GLI3: variants seen among roughly 807,000 people sequenced by gnomAD.
GLI3 encodes the protein transcription activator GLI3.
A neutral mutation model predicts 100.8 loss-of-function variants in GLI3; 20 were observed. The observed-to-expected ratio is 0.20, with a 90% CI of 0.14 to 0.29. GLI3 has a LOEUF of 0.29. Ranked by LOEUF, GLI3 falls within the 10% of genes least tolerant of loss-of-function variation. GLI3 has a pLI of 1.00. For synonymous variants in GLI3, 938 were observed against 860.5 expected (o/e 1.09, Z -1.58); for missense variants, 2,040 against 2,128.5 (o/e 0.96, Z 0.82).
intron 11 of GLI3, among the ~76,000 whole-genome samples, chr7:41,978,330 C>G (rs891398891): frequency 1.3e-5 from 2 of 152,226 alleles, no homozygotes; most frequent in African/African-American, 4.8e-5. Context: ...TTCCAAGCCC[C>G]GTGGTACCAT....
chr7:42,042,529 A>G (rs1784167310), intron 6 of GLI3, among the ~76,000 whole-genome samples: 1 of 152,190 alleles, frequency 6.6e-6, no homozygotes, highest in African/African-American at 2.4e-5. Flanking sequence ...AATGGTACTC[A>G]GTGATCACTG....
chr7:42,230,374 C>T (rs1420542338), intron 1 of GLI3, among the ~76,000 whole-genome samples: 2 of 152,182 alleles, frequency 1.3e-5, no homozygotes, highest in African/African-American at 4.8e-5. Context: ...GTATTCATGA[C>T]AGACATACCC....
intron 2 of GLI3, among the ~76,000 whole-genome samples, chr7:42,176,533 T>C (rs1787483556): frequency 6.6e-6 from 1 of 152,248 alleles, no homozygotes; most frequent in Admixed American, 6.5e-5. Flanking sequence ...CACAAGCCCA[T>C]GGCTTGCACA....
chr7:42,261,343 A>T (rs1218275829), intron 1 of GLI3, among the ~76,000 whole-genome samples: 1 of 152,162 alleles, frequency 6.6e-6, no homozygotes, highest in African/African-American at 2.4e-5. Flanking sequence ...CCACCCCCAT[A>T]GATCAAATAC....
intron 2 of GLI3, among the ~76,000 whole-genome samples, chr7:42,158,898 C>A (rs1438474557): frequency 2.6e-5 from 4 of 152,132 alleles, no homozygotes; most frequent in African/African-American, 9.7e-5. Flanking sequence ...AAACTTTAAG[C>A]CAGAGTCATG....
intron 10 of GLI3, among the ~76,000 whole-genome samples, chr7:42,012,383 C>A (rs915672926): frequency 6.6e-6 from 1 of 152,062 alleles, no homozygotes; most frequent in Non-Finnish European, 1.5e-5. Context: ...CCTCTCCCCC[C>A]TCCCTTTTCT....
intron 4 of GLI3, among the ~76,000 whole-genome samples, chr7:42,055,087 A>G (rs1583515268): frequency 1.5e-5 from 2 of 135,156 alleles, no homozygotes; most frequent in South Asian, 4.3e-4. Context: ...ATGTATATAT[A>G]CATATATACA....
chr7:42,007,001 G>T (rs1788476022), intron 10 of GLI3, among the ~76,000 whole-genome samples: 1 of 152,078 alleles, frequency 6.6e-6, no homozygotes, highest in Non-Finnish European at 1.5e-5. Flanking sequence ...GGGTTCCACA[G>T]GCAGCAGGTG....
intron 13 of GLI3, among the ~76,000 whole-genome samples, chr7:41,968,697 GAAA>G (rs1787256526): frequency 1.8e-5 from 2 of 110,922 alleles, no homozygotes; most frequent in South Asian, 5.8e-4. Flanking sequence ...AAGAAAGAAA[GAAA>G]GAAAGAAAGA....
At chr7:42,126,457 T>A (rs1786134241) in intron 3 of GLI3, among the ~76,000 whole-genome samples, 1 of 152,174 alleles carries the variant, frequency 6.6e-6, no homozygotes, top group African/African-American at 2.4e-5. Context: ...ATACAAGAAT[T>A]CACAAGGTAG....
chr7:42,255,647 C>T (rs1263670904), intron 1 of GLI3, among the ~76,000 whole-genome samples: 1 of 152,132 alleles, frequency 6.6e-6, no homozygotes, highest in South Asian at 2.1e-4. Flanking sequence ...CGTATTTATT[C>T]GTCTTCATTG....
intron 3 of GLI3, among the ~76,000 whole-genome samples, chr7:42,110,404 T>C (rs759515695): frequency 1.3e-5 from 2 of 152,236 alleles, no homozygotes; most frequent in Non-Finnish European, 2.9e-5. Context: ...ATGCCTATTA[T>C]GTGTCTGCAT....
At chr7:42,082,389 T>C (rs1033763839) in intron 3 of GLI3, among the ~76,000 whole-genome samples, 10 of 152,120 alleles carry the variant, frequency 6.6e-5, no homozygotes, top group African/African-American at 2.2e-4. Flanking sequence ...TTCCTGCCTA[T>C]GGATGACACG....
At chr7:42,210,014 A>AAAG (rs869036224) in intron 2 of GLI3, among the ~76,000 whole-genome samples, 10 of 142,554 alleles carry the variant, frequency 7.0e-5, no homozygotes, top group South Asian at 2.2e-4. Flanking sequence ...AAAAAAAAAA[A>AAAG]GGGCATAGGC....
intron 10 of GLI3, among the ~76,000 whole-genome samples, chr7:42,007,597 T>G (rs1195923903): frequency 6.6e-6 from 1 of 152,176 alleles, no homozygotes. Context: ...TCAAAGGATC[T>G]CAGAATAAAA....
intron 3 of GLI3, among the ~76,000 whole-genome samples, chr7:42,113,928 A>G (rs1195606285): frequency 1.3e-5 from 2 of 151,992 alleles, no homozygotes; most frequent in African/African-American, 2.4e-5. Context: ...TGGCACAAAA[A>G]CCTTGTGGGA....
At chr7:42,039,443 A>G (rs1784085507) in intron 7 of GLI3, among the ~76,000 whole-genome samples, 1 of 152,356 alleles carries the variant, frequency 6.6e-6, no homozygotes, top group South Asian at 2.1e-4. Flanking sequence ...GTGTATGGTC[A>G]AAATAGGGAT....
chr7:42,022,438 A>G (rs143220338), intron 10 of GLI3, among the ~76,000 whole-genome samples: 1 of 152,306 alleles, frequency 6.6e-6, no homozygotes, highest in Non-Finnish European at 1.5e-5. Context: ...TTGCCTAAAA[A>G]TACAGTTACT....
At position 42,230,369 on chromosome 7, in the gene GLI3, C is replaced by G. The variant is rs1265699315; in HGVS notation, c.-43+6602G>C. Among the ~76,000 whole-genome samples the G allele has an allele frequency of 2.6e-5, 4 of 152,276 alleles. No individual in the cohort carries two copies. In the East Asian group the frequency reaches 7.7e-4, roughly 29 times the overall value. On this transcript the variant is annotated intron_variant, in intron 1 of 14. Coordinates refer to ENST00000395925, the MANE Select transcript of GLI3 (RefSeq NM_000168.6). ...CTCCTAATCACAGATAAGCAGTATT[C>G]ATGACAGACATACCCAAATGGAATT...
Sources: gnomAD v4.1 joint callset for allele counts (sites outside exome capture counted in the v4.1 genomes callset) on GRCh38, gnomAD v4.1.1 for gene constraint, MANE v1.5 for transcripts, NCBI Gene and HGNC (gene_info 2026-07-23, HGNC 2026-07-21) for gene names.